The following IGLON5 variants were observed in gnomAD, a reference collection of about 807,000 sequenced individuals.
IGLON5 encodes the protein Ig-like domain-containing protein ENSP00000270642.
Under a neutral mutation model 38.2 loss-of-function variants are expected in IGLON5, and 16 were observed. The ratio of observed to expected loss-of-function variants is 0.42; its 90% CI spans 0.28 to 0.64. IGLON5 has a LOEUF of 0.64. Among genes scored for constraint, IGLON5 ranks in the 30% least tolerant of loss-of-function variants. The probability of loss-of-function intolerance (pLI) is 0.23; values close to 1 mark genes in which losing one functional copy is unlikely to be tolerated. For synonymous variants in IGLON5, 207 were observed against 216.4 expected (o/e 0.96, Z 0.38); for missense variants, 366 against 483.4 (o/e 0.76, Z 2.28).
chr19:51,329,061 T>TGTGTGG lies in IGLON5; in HGVS notation c.*314_*319dup, dbSNP rs1985284824. 2 of 218,932 alleles carry TGTGTGG rather than the reference T, an allele frequency of 9.1e-6. No homozygotes were observed. Among genetic ancestry groups the TGTGTGG allele is most frequent in the South Asian group, 7.3e-5 (1 of 13,768 alleles). 13.6% of individuals were successfully genotyped at this position (218,932 alleles called of 1,614,324 possible). ...TCTTAGCTCAGGCTGTCAACTGGCTTGTGTGGGTGTGGGTGTGTGAGTGTG... is the reference window on the plus strand; with the variant it reads ...TCTTAGCTCAGGCTGTCAACTGGCTTGTGTGGGTGTGGGTGTGGGTGTGTGAGTGTG... On this transcript the variant is annotated 3_prime_UTR_variant, in exon 8 of 8. Transcript: ENST00000270642. The surrounding 1 kb of genome is among the most constrained non-coding windows in gnomAD (Gnocchi z 4.3).
At position 51,324,071 on chromosome 19, in the gene IGLON5, A is replaced by C. The variant is rs533979789; in HGVS notation, c.391+177A>C. Among the ~76,000 whole-genome samples, 1 of 152,278 alleles carries C rather than the reference A, an allele frequency of 6.6e-6. No homozygotes were observed. The highest frequency in any genetic ancestry group is 1.9e-4 in the East Asian group (1 of 5,176). On this transcript the variant is annotated intron_variant, in intron 3 of 7. Transcript: ENST00000270642. This position sits in a 1 kb window ranked among gnomAD's most constrained non-coding sequence, Gnocchi z 4.2. ...AAGGGGGCCAGTTACACAGACAGTG[A>C]CGCATCAACATGATTGCTTCTAGGG...
chr19:51,313,651 CTT>C (rs770863964), intron 1 of IGLON5, among the ~76,000 whole-genome samples: 33 of 62,364 alleles, frequency 5.3e-4, no homozygotes, highest in South Asian at 3.7e-3. Flanking sequence ...CTCTCTTTTT[CTT>C]TCTTTCTTTC....
chr19:51,328,341 A>G (rs2123537976), intron 7 of IGLON5, among the ~76,000 whole-genome samples: 1 of 146,150 alleles, frequency 6.8e-6, no homozygotes, highest in East Asian at 2.0e-4. Flanking sequence ...GTCTCTACCA[A>G]AAAAAAAAAA....
chr19:51,326,471 G>A lies in IGLON5; in HGVS notation c.512-293G>A, dbSNP rs561766602. ...TCCCCATTGGGGTCCTCCCCACGGA[G>A]CTCCATGATCTGAGTCAGATTCCTG... On this transcript the variant is annotated intron_variant, in intron 4 of 7. Transcript: ENST00000270642. Among the ~76,000 whole-genome samples the A allele has an allele frequency of 5.3e-5, 8 of 152,214 alleles. No individual in the cohort carries two copies. The South Asian group carries it at 1.5e-3, about 28-fold the overall frequency.
In IGLON5 at chr19:51,327,388, G is replaced by A. The variant is rs1192826299; in HGVS notation, c.767+188G>A. Among the ~76,000 whole-genome samples, 1 of 152,180 alleles carries A rather than the reference G, an allele frequency of 6.6e-6. No homozygotes were observed. Among genetic ancestry groups the A allele is most frequent in the Non-Finnish European group, 1.5e-5 (1 of 68,040 alleles). ...AGACAAGCTTGGGTCCCCGCTTGAT[G>A]AATGCTGGAACCCCGTCTCCCCGGA... On this transcript the variant is annotated intron_variant, in intron 6 of 7. Transcript: ENST00000270642. The surrounding 1 kb of genome is among the most constrained non-coding windows in gnomAD (Gnocchi z 7.1).
In IGLON5 at chr19:51,323,884, C is replaced by T; in HGVS notation, c.381C>T (p.Leu127=). 1 of 1,604,524 alleles carries T rather than the reference C, an allele frequency of 6.2e-7. No individual in the cohort carries two copies. Among genetic ancestry groups the T allele is most frequent in the Middle Eastern group, 1.7e-4 (1 of 6,032 alleles). The part of the protein sequence containing the change: ...RHQPYTTQVY[L]IVHVPARIVN... Reference sequence around the variant, plus strand: ...AGCCGTACACCACTCAGGTCTACCTCATTGTCCACGGTGAGCCCTTGGCCG... The same window carrying T: ...AGCCGTACACCACTCAGGTCTACCTTATTGTCCACGGTGAGCCCTTGGCCG... The change falls in exon 3 of 8, where the codon CTC becomes CTT. Residue 127 remains leucine, a synonymous_variant. Transcript: ENST00000270642.
intron 2 of IGLON5, among the ~76,000 whole-genome samples, chr19:51,322,491 T>C (rs1298614254): frequency 6.8e-6 from 1 of 148,148 alleles, no homozygotes; most frequent in Non-Finnish European, 1.5e-5. Context: ...GGGACAGAGA[T>C]CCAGCAGAGA....
chr19:51,322,480 GGGGACAGAGATCCAGCAGAGA>G (rs1223499942), intron 2 of IGLON5, among the ~76,000 whole-genome samples: 6 of 150,576 alleles, frequency 4.0e-5, no homozygotes, highest in African/African-American at 1.2e-4. Context: ...CCAGAGAGAA[GGGGACAGAGATCCAGCAGAGA>G]GGGACAGGGT....
chr19:51,316,632 T>TA (rs1984933576), intron 1 of IGLON5, among the ~76,000 whole-genome samples: 1 of 151,824 alleles, frequency 6.6e-6, no homozygotes, highest in Non-Finnish European at 1.5e-5. Context: ...TAGCTGGGAC[T>TA]ACAAGCACAT....
chr19:51,323,106 C>G (rs1033053148), intron 2 of IGLON5, among the ~76,000 whole-genome samples: 1 of 148,110 alleles, frequency 6.8e-6, no homozygotes, highest in Non-Finnish European at 1.5e-5. Context: ...TCTGTCCCCT[C>G]TCTCTGGGTC....
rs367793401 is a variant in IGLON5 at position 51,323,863 on chromosome 19, G to T, written c.360G>T (p.Pro120=). The stretch of plus-strand genomic sequence containing the variant: ...GCTCCTTCCAGACCCGCCACCAGCC[G>T]TACACCACTCAGGTCTACCTCATTG... The part of the protein sequence containing the change: ...YTCSFQTRHQ[P]YTTQVYLIVH... The change falls in exon 3 of 8, where the codon CCG becomes CCT. Residue 120 remains proline, a synonymous_variant. Coordinates refer to ENST00000270642, the MANE Select transcript of IGLON5 (RefSeq NM_001101372.3). The T allele has an allele frequency of 6.2e-7, 1 of 1,613,034 alleles. No homozygotes were observed. Among genetic ancestry groups the T allele is most frequent in the African/African-American group, 1.3e-5 (1 of 75,024 alleles).
At chr19:51,321,323 G>A (rs1269902807) in intron 1 of IGLON5, among the ~76,000 whole-genome samples, 10 of 152,034 alleles carry the variant, frequency 6.6e-5, no homozygotes, top group Middle Eastern at 3.2e-3. Context: ...GATTACAGGC[G>A]TGCTCCACCA....
At position 51,325,930 on chromosome 19, in the gene IGLON5, A is replaced by G. The variant is rs539043935; in HGVS notation, c.511+465A>G. On this transcript the variant is annotated intron_variant, in intron 4 of 7. Transcript: ENST00000270642. The surrounding 1 kb of genome is among the most constrained non-coding windows in gnomAD (Gnocchi z 5.5). Reference sequence around the variant, plus strand: ...CATCAGCATACCTTGGGAACTTGCCAGGAATGCACTTTCCCAGGCTCCAAC... The same window carrying G: ...CATCAGCATACCTTGGGAACTTGCCGGGAATGCACTTTCCCAGGCTCCAAC... 8.5e-5 allele frequency among the ~76,000 whole-genome samples: 13 copies of G among 152,134 alleles called. No homozygotes were observed. The East Asian group carries it at 1.9e-3, about 23-fold the overall frequency.
chr19:51,327,303 G>C lies in IGLON5; in HGVS notation c.767+103G>C. The C allele has an allele frequency of 6.7e-7, 1 of 1,486,216 alleles. No individual in the cohort carries two copies. Among genetic ancestry groups the C allele is most frequent in the Non-Finnish European group, 9.0e-7 (1 of 1,105,738 alleles). 92.1% of individuals were successfully genotyped at this position (1,486,216 alleles called of 1,614,324 possible). ...GAGCGGGGCGGGGGAAGGCAGCAGA[G>C]CTCTGGGTCCCGAACCTGGGGCGTC... On this transcript the variant is annotated intron_variant, in intron 6 of 7. Coordinates refer to ENST00000270642, the MANE Select transcript of IGLON5 (RefSeq NM_001101372.3). This position sits in a 1 kb window ranked among gnomAD's most constrained non-coding sequence, Gnocchi z 7.1.
In IGLON5 at chr19:51,326,807, C is replaced by T; in HGVS notation, c.555C>T (p.Ile185=). Residue 185 remains isoleucine, a synonymous_variant, in exon 5 of 8, where the codon ATC becomes ATT. Coordinates refer to ENST00000270642, the MANE Select transcript of IGLON5 (RefSeq NM_001101372.3). ...GAGAGATCCTGGAGATCTCTGACATCCAGCGGGGCCAGGCCGGGGAGTATG... is the reference window on the plus strand; with the variant it reads ...GAGAGATCCTGGAGATCTCTGACATTCAGCGGGGCCAGGCCGGGGAGTATG... The part of the protein sequence containing the change: ...SEGEILEISD[I]QRGQAGEYEC... 2 of 1,550,646 alleles carry T rather than the reference C, an allele frequency of 1.3e-6. No homozygotes were observed. The highest frequency in any genetic ancestry group is 8.7e-7 in the Non-Finnish European group (1 of 1,147,042).
At chr19:51,323,971 C>T (rs569500149) in intron 3 of IGLON5, 77 bp downstream of exon 3, 25 of 987,364 alleles carry the variant, frequency 2.5e-5, no homozygotes, top group Middle Eastern at 2.2e-4. Flanking sequence ...ACAGATACCA[C>T]GTGTTCCCCA....
rs1185998971 is a variant in IGLON5, at chr19:51,326,698, GCCCGTGTTGT to G, written c.512-57_512-48del. ...CCCCGCTGATGTGTGTCCGTGTTGT[GCCCGTGTTGT>G]CCCGTGTTAAGTGTTTGTGTCCGGC... On this transcript the variant is annotated intron_variant, in intron 4 of 7. Coordinates refer to ENST00000270642, the MANE Select transcript of IGLON5 (RefSeq NM_001101372.3). The G allele has an allele frequency of 4.2e-6, 5 of 1,187,356 alleles. No individual in the cohort carries two copies. In the East Asian group the frequency reaches 1.6e-4, roughly 39 times the overall value. The allele number at this position is 1,187,356 out of a possible 1,614,324, so 73.6% of individuals were successfully genotyped here.
chr19:51,314,341 G>T (rs1390433152), intron 1 of IGLON5, among the ~76,000 whole-genome samples: 1 of 152,016 alleles, frequency 6.6e-6, no homozygotes, highest in Non-Finnish European at 1.5e-5. Flanking sequence ...GTGCCACCAC[G>T]CTGGGCTAAT....
chr19:51,326,614 G>GC, intron 4 of IGLON5, 150 bp from the exon 5 acceptor site: 1 of 163,626 alleles, frequency 6.1e-6, no homozygotes, highest in South Asian at 1.9e-4. Flanking sequence ...CCCCGGCCCT[G>GC]CAGCCCCTCC....
Sources: gnomAD v4.1 joint callset for allele counts (sites outside exome capture counted in the v4.1 genomes callset) on GRCh38, gnomAD v4.1.1 for gene constraint, Gnocchi (gnomAD v3.1) non-coding constraint, MANE v1.5 for transcripts, NCBI Gene and HGNC (gene_info 2026-07-23, HGNC 2026-07-21) for gene names.